The following TSPAN11 variants were observed in gnomAD, a reference collection of about 807,000 sequenced individuals.
TSPAN11 encodes the protein tetraspanin 11.
In TSPAN11, 29 loss-of-function variants were observed where a neutral mutation model predicts 32.9. The ratio of observed to expected loss-of-function variants is 0.88; its 90% CI spans 0.66 to 1.20. TSPAN11 has a LOEUF of 1.20. TSPAN11 is among the 50% of genes most tolerant of loss of function. The probability of loss-of-function intolerance (pLI) is 0.00; values close to 1 mark genes in which losing one functional copy is unlikely to be tolerated. For synonymous variants in TSPAN11, 140 were observed against 141.3 expected, an observed-to-expected ratio of 0.99 and a Z score of 0.07; for missense variants, 283 against 329.1, an observed-to-expected ratio of 0.86 and a Z score of 1.08.
chr12:31,012,229 G>A, the TSPAN11 span, among the ~76,000 whole-genome samples: 1 of 152,266 alleles, frequency 6.6e-6, no homozygotes, highest in Admixed American at 6.5e-5. Flanking sequence ...GGGGGACAAA[G>A]CAGAGCTGAA....
chr12:30,959,779 CAA>C (rs1169712019), intron 2 of TSPAN11, among the ~76,000 whole-genome samples: 591 of 39,666 alleles, frequency 0.015, 4 homozygotes, highest in African/African-American at 0.048. Context: ...GACTCTGTCT[CAA>C]AAAAAAAAAA....
At chr12:30,971,315 TA>T (rs1345370657) in intron 3 of TSPAN11, among the ~76,000 whole-genome samples, 1 of 152,240 alleles carries the variant, frequency 6.6e-6, no homozygotes, top group Non-Finnish European at 1.5e-5. Flanking sequence ...TCCAGTTTTA[TA>T]AAGTTCTTCA....
At chr12:30,955,100 G>A (rs1938454174) in intron 2 of TSPAN11, 2 of 152,182 alleles carry the variant, frequency 1.3e-5, no homozygotes, top group Non-Finnish European at 2.9e-5. Context: ...TGATGTGAGA[G>A]TTTAGGATGG....
intron 7 of TSPAN11, chr12:30,986,865 A>G (rs1939210553): frequency 2.0e-5 from 3 of 152,230 alleles, no homozygotes. Flanking sequence ...GAGAGTTCAC[A>G]TCAGCTTAGC....
chr12:30,999,334 A>AAAAG (rs906211411), downstream of TSPAN11: 1 of 152,180 alleles, frequency 6.6e-6, no homozygotes, highest in Non-Finnish European at 1.5e-5. Context: ...AAAAAAAAGA[A>AAAAG]AAAGAAAGAA....
chr12:30,957,300 G>T (rs1938502789), intron 2 of TSPAN11, among the ~76,000 whole-genome samples: 1 of 146,316 alleles, frequency 6.8e-6, no homozygotes, highest in African/African-American at 2.5e-5. Flanking sequence ...CAGGGTCACA[G>T]TCGAGGGGGA....
chr12:30,928,812 CCATGATCACAT>C (rs1439280036), intron 1 of TSPAN11, among the ~76,000 whole-genome samples: 1 of 152,200 alleles, frequency 6.6e-6, no homozygotes, highest in African/African-American at 2.4e-5. Context: ...CACCTCCCAG[CCATGATCACAT>C]CATTGTTCCT....
intron 1 of TSPAN11, among the ~76,000 whole-genome samples, chr12:30,946,926 C>A (rs1348856308): frequency 6.6e-6 from 1 of 152,174 alleles, no homozygotes; most frequent in Admixed American, 6.5e-5. Flanking sequence ...TACTGTCTGG[C>A]TTTTGCCCCT....
intron 1 of TSPAN11, 113 bp downstream of exon 1, chr12:30,926,909 G>A (rs1455716946): frequency 6.2e-6 from 8 of 1,281,082 alleles, no homozygotes; most frequent in Non-Finnish European, 8.1e-6. Flanking sequence ...GAGCTAGACT[G>A]TCCCGAGCTT....
At chr12:31,010,017 T>G in the TSPAN11 span, among the ~76,000 whole-genome samples, 1 of 152,200 alleles carries the variant, frequency 6.6e-6, no homozygotes. Flanking sequence ...TGAGGCTAAG[T>G]GACTTGCCCG....
chr12:30,979,298 A>C (rs986707523), intron 4 of TSPAN11, among the ~76,000 whole-genome samples: 3 of 151,978 alleles, frequency 2.0e-5, no homozygotes, highest in African/African-American at 7.3e-5. Flanking sequence ...GTGACCCTTT[A>C]CCTGAGCCAT....
chr12:30,973,881 C>T (rs1938904649), intron 3 of TSPAN11, among the ~76,000 whole-genome samples: 1 of 152,162 alleles, frequency 6.6e-6, no homozygotes, highest in Non-Finnish European at 1.5e-5. Context: ...CTTATGGCGT[C>T]ACACCCCTCC....
chr12:30,983,252 T>G, intron 7 of TSPAN11, 102 bp downstream of exon 7: 1 of 1,151,974 alleles, frequency 8.7e-7, no homozygotes, highest in Non-Finnish European at 1.2e-6. Flanking sequence ...AACTGACCCT[T>G]TGCACACCCG....
At chr12:31,002,858 C>A in the TSPAN11 span, among the ~76,000 whole-genome samples, 2 of 152,186 alleles carry the variant, frequency 1.3e-5, no homozygotes, top group Non-Finnish European at 2.9e-5. This position sits in a 1 kb window ranked among gnomAD's most constrained non-coding sequence, Gnocchi z 4.8. Flanking sequence ...AGGGCAGCAA[C>A]CTCCCCAGAG....
chr12:30,958,016 C>T (rs1018852492), intron 2 of TSPAN11, among the ~76,000 whole-genome samples: 4 of 152,054 alleles, frequency 2.6e-5, no homozygotes, highest in African/African-American at 7.2e-5. Context: ...ACTATGGAAA[C>T]GTGCAAGACC....
At chr12:30,932,623 G>A (rs1937956608) in intron 1 of TSPAN11, among the ~76,000 whole-genome samples, 1 of 152,192 alleles carries the variant, frequency 6.6e-6, no homozygotes, top group South Asian at 2.1e-4. Flanking sequence ...TTGGACATCA[G>A]TGATTCATAC....
the TSPAN11 span, among the ~76,000 whole-genome samples, chr12:31,005,205 C>T: frequency 6.6e-6 from 1 of 152,222 alleles, no homozygotes; most frequent in Non-Finnish European, 1.5e-5. Flanking sequence ...AGACAGCCAA[C>T]GCTTAACTTA....
chr12:30,926,868 C>A, intron 1 of TSPAN11, 72 bp downstream of exon 1: 1 of 1,172,310 alleles, frequency 8.5e-7, no homozygotes, highest in Admixed American at 3.2e-5. Context: ...GAGGCGCCTC[C>A]ACCTCCGCTG....
At chr12:30,961,289 A>C (rs931850805) in intron 2 of TSPAN11, among the ~76,000 whole-genome samples, 1 of 151,834 alleles carries the variant, frequency 6.6e-6, no homozygotes, top group African/African-American at 2.4e-5. Context: ...TCTTTGACAG[A>C]AGCTTGACTT....
Sources: allele counts gnomAD v4.1 joint callset (sites outside exome capture counted in the v4.1 genomes callset), GRCh38; gene constraint gnomAD v4.1.1; non-coding constraint Gnocchi (gnomAD v3.1); transcripts MANE v1.5; gene names NCBI Gene and HGNC (gene_info 2026-07-23, HGNC 2026-07-21).